Variants in RHOT1 observed in about 807,000 individuals in gnomAD.
RHOT1 encodes the protein ras homolog family member T1.
A neutral mutation model predicts 95.3 loss-of-function variants in RHOT1; 27 were observed. The observed-to-expected ratio is 0.28, with a 90% CI of 0.21 to 0.39. The LOEUF (loss-of-function observed/expected upper bound fraction) is 0.39. RHOT1 is among the 10% of genes least tolerant of loss of function. The pLI, the probability that RHOT1 is intolerant of heterozygous loss-of-function variation, is 1.00. For missense variants in RHOT1, 578 were observed against 786.7 expected (o/e 0.73, Z 3.17); for synonymous variants, 227 against 263.5 (o/e 0.86, Z 1.34).
At chr17:32,218,455 T>C (rs1312022818) in intron 19 of RHOT1, among the ~76,000 whole-genome samples, 1 of 150,312 alleles carries the variant, frequency 6.7e-6, no homozygotes, top group Non-Finnish European at 1.5e-5. Context: ...TGTAGTGAGC[T>C]GTGTTTGTGC....
At chr17:32,200,084 C>T (rs2037199316) in intron 13 of RHOT1, among the ~76,000 whole-genome samples, 1 of 151,712 alleles carries the variant, frequency 6.6e-6, no homozygotes, top group Admixed American at 6.6e-5. Context: ...TCACTCAGCA[C>T]ATTGTGGACA....
At chr17:32,194,813 T>A (rs1016802610) in intron 11 of RHOT1, among the ~76,000 whole-genome samples, 2 of 151,278 alleles carry the variant, frequency 1.3e-5, no homozygotes, top group Non-Finnish European at 2.9e-5. Context: ...GGTCTATTTG[T>A]GGTTCTTTTT....
At chr17:32,190,650 C>T in intron 8 of RHOT1, among the ~76,000 whole-genome samples, 1 of 152,132 alleles carries the variant, frequency 6.6e-6, no homozygotes, top group African/African-American at 2.4e-5. Flanking sequence ...TAAAATATAA[C>T]AATGTAGTTT....
At chr17:32,199,166 C>A in intron 12 of RHOT1, 135 bp downstream of exon 12, 1 of 777,788 alleles carries the variant, frequency 1.3e-6, no homozygotes, top group Non-Finnish European at 2.0e-6. Flanking sequence ...GTTAAATTCG[C>A]AAAAATATTT....
At chr17:32,146,392 A>T (rs1247116138) in intron 1 of RHOT1, among the ~76,000 whole-genome samples, 4 of 148,804 alleles carry the variant, frequency 2.7e-5, no homozygotes, top group Non-Finnish European at 3.0e-5. Context: ...TTTCCAAACC[A>T]CTCCTCTTTG....
At chr17:32,156,082 T>A (rs2032937342) in intron 1 of RHOT1, among the ~76,000 whole-genome samples, 1 of 152,230 alleles carries the variant, frequency 6.6e-6, no homozygotes, top group African/African-American at 2.4e-5. Context: ...TATGAAATGT[T>A]GCATGTAAGT....
chr17:32,173,797 G>GTTT (rs532691377), intron 2 of RHOT1, 34 bp from the exon 3 acceptor site: 13 of 1,084,872 alleles, frequency 1.2e-5, no homozygotes, highest in South Asian at 6.2e-5. Context: ...ATTCAAAGGT[G>GTTT]TTTTTTTTTT....
At chr17:32,215,541 T>C (rs1477802450) in intron 19 of RHOT1, among the ~76,000 whole-genome samples, 1 of 150,012 alleles carries the variant, frequency 6.7e-6, no homozygotes, top group Admixed American at 6.7e-5. Flanking sequence ...AAAAACATTT[T>C]TTAACTTTGG....
At chr17:32,168,863 T>C (rs1047402603) in intron 1 of RHOT1, among the ~76,000 whole-genome samples, 4 of 152,110 alleles carry the variant, frequency 2.6e-5, no homozygotes, top group Admixed American at 1.3e-4. Flanking sequence ...CCAGATTCTT[T>C]ATCTGAAAAT....
Position 32,191,194 on chromosome 17 carries a change from A to G in RHOT1, c.541-1007A>G, listed in dbSNP as rs546270712. 5.3e-5 allele frequency among the ~76,000 whole-genome samples: 8 copies of G among 152,222 alleles called. No homozygotes were observed. The South Asian group carries it at 1.7e-3, about 32-fold the overall frequency. ...ACTATATCAAATTACTCTCCCAGAG[A>G]CCCCATTTAAAACAAGAATAGAAGG... On this transcript the variant is annotated intron_variant, in intron 8 of 19. Coordinates refer to ENST00000545287, the MANE Select transcript of RHOT1 (RefSeq NM_001033566.3).
intron 1 of RHOT1, among the ~76,000 whole-genome samples, chr17:32,158,349 A>G (rs1416598458): frequency 6.6e-6 from 1 of 152,216 alleles, no homozygotes; most frequent in Non-Finnish European, 1.5e-5. Context: ...TGTTATAGGC[A>G]GGGTAGACAT....
chr17:32,224,655 G>C lies in RHOT1; in HGVS notation c.1902G>C (p.Trp634Cys). 1.2e-6 allele frequency: 2 copies of C among 1,613,504 alleles called. No individual in the cohort carries two copies. The highest frequency in any genetic ancestry group is 1.7e-6 in the Non-Finnish European group (2 of 1,179,672). The change falls in exon 20 of 20, where the codon TGG (tryptophan) becomes TGC (cysteine). Residue 634 changes from tryptophan to cysteine, a missense_variant. Transcript: ENST00000545287. ...CTGACCTCAAGAGCTCCACGTTTTGGCTTCGAGCAAGTTTTGGTGCTACTG... is the reference window on the plus strand; with the variant it reads ...CTGACCTCAAGAGCTCCACGTTTTGCCTTCGAGCAAGTTTTGGTGCTACTG... ...TQADLKSSTF[W>C]LRASFGATVF...
intron 11 of RHOT1, among the ~76,000 whole-genome samples, chr17:32,195,962 G>A (rs1289400731): frequency 6.6e-6 from 1 of 151,878 alleles, no homozygotes; most frequent in Non-Finnish European, 1.5e-5. Context: ...ACGTCTTGTC[G>A]CATTGTGGCT....
At chr17:32,209,027 G>C (rs2037947573) in intron 18 of RHOT1, 1 of 159,836 alleles carries the variant, frequency 6.3e-6, no homozygotes, top group African/African-American at 2.4e-5. Flanking sequence ...GCGTTTCTCA[G>C]GACTTTATAG....
intron 1 of RHOT1, among the ~76,000 whole-genome samples, chr17:32,169,355 T>C (rs1320880995): frequency 6.6e-6 from 1 of 152,240 alleles, no homozygotes; most frequent in Admixed American, 6.5e-5. Context: ...TGTCTAACAA[T>C]AGTAATTATA....
intron 1 of RHOT1, among the ~76,000 whole-genome samples, chr17:32,158,153 C>T (rs1215449352): frequency 6.6e-6 from 1 of 151,970 alleles, no homozygotes; most frequent in East Asian, 1.9e-4. Context: ...ACTCTGTGCT[C>T]AGCCTTGTCT....
At chr17:32,153,585 G>A (rs1327460363) in intron 1 of RHOT1, among the ~76,000 whole-genome samples, 1 of 152,224 alleles carries the variant, frequency 6.6e-6, no homozygotes, top group Non-Finnish European at 1.5e-5. Flanking sequence ...ACTTGAGCCA[G>A]GAGTTCAAAG....
chr17:32,194,239 G>T, intron 11 of RHOT1, 132 bp downstream of exon 11: 1 of 837,534 alleles, frequency 1.2e-6, no homozygotes, highest in South Asian at 1.7e-5. Context: ...CCAAATTGCT[G>T]TGATTAAAGG....
At chr17:32,214,039 A>G (rs2038295090) in intron 19 of RHOT1, among the ~76,000 whole-genome samples, 2 of 152,212 alleles carry the variant, frequency 1.3e-5, no homozygotes, top group South Asian at 4.1e-4. Flanking sequence ...AGGAACCAGT[A>G]TACTTTTCAA....
Sources: gnomAD v4.1 joint callset for allele counts (sites outside exome capture counted in the v4.1 genomes callset) on GRCh38, gnomAD v4.1.1 for gene constraint, MANE v1.5 for transcripts, NCBI Gene and HGNC (gene_info 2026-07-23, HGNC 2026-07-21) for gene names.